The following TADA2A variants were observed in gnomAD, a reference collection of about 807,000 sequenced individuals.
TADA2A encodes the protein transcriptional adapter 2-alpha.
A neutral mutation model predicts 67.4 loss-of-function variants in TADA2A; 38 were observed. The ratio of observed to expected loss-of-function variants is 0.56; its 90% CI spans 0.44 to 0.74. The LOEUF (loss-of-function observed/expected upper bound fraction) is 0.74, where lower values mean the gene tolerates loss of function less well. Ranked by LOEUF, TADA2A falls within the 30% of genes least tolerant of loss-of-function variation. The pLI, the probability that TADA2A is intolerant of heterozygous loss-of-function variation, is 0.00. For missense variants in TADA2A, 454 were observed against 547.0 expected, an observed-to-expected ratio of 0.83 and a Z score of 1.70; for synonymous variants, 192 against 181.6, an observed-to-expected ratio of 1.06 and a Z score of -0.46.
chr17:37,469,424 C>T (rs2053737541), intron 12 of TADA2A, among the ~76,000 whole-genome samples: 1 of 151,678 alleles, frequency 6.6e-6, no homozygotes, highest in African/African-American at 2.4e-5. Context: ...ACTTGAGGTC[C>T]AGAGTTCAAG....
At chr17:37,474,417 G>A in intron 14 of TADA2A, 139 bp from the exon 15 acceptor site, 1 of 696,050 alleles carries the variant, frequency 1.4e-6, no homozygotes, top group Admixed American at 2.9e-5. Context: ...CAGGCCTGAG[G>A]GAATGGGACA....
chr17:37,467,564 G>A (rs746919605), intron 12 of TADA2A, 39 bp downstream of exon 12: 21 of 1,505,724 alleles, frequency 1.4e-5, no homozygotes, highest in Non-Finnish European at 1.9e-5. Flanking sequence ...TTGAGGGCAA[G>A]TATCTTCCAG....
intron 2 of TADA2A, among the ~76,000 whole-genome samples, chr17:37,412,478 A>G (rs1014078974): frequency 2.0e-5 from 3 of 151,968 alleles, no homozygotes; most frequent in Admixed American, 6.6e-5. Flanking sequence ...TCAAGTAGCC[A>G]TAACTATGGA....
intron 4 of TADA2A, among the ~76,000 whole-genome samples, chr17:37,432,570 A>G (rs541844308): frequency 1.3e-5 from 2 of 152,234 alleles, no homozygotes; most frequent in Non-Finnish European, 2.9e-5. Flanking sequence ...TTGTACGAAC[A>G]TAATACAGTT....
Position 37,465,536 on chromosome 17 carries a change from A to C in TADA2A, c.818A>C (p.His273Pro). 1 of 1,614,148 alleles carries C rather than the reference A, an allele frequency of 6.2e-7. No individual in the cohort carries two copies. The highest frequency in any genetic ancestry group is 1.1e-5 in the South Asian group (1 of 91,080). Residue 273 changes from histidine to proline, a missense_variant, in exon 11 of 16, where the codon CAT becomes CCT. His to Pro is a moderately conservative substitution (Grantham distance 77). Coordinates refer to ENST00000615182, the MANE Select transcript of TADA2A (RefSeq NM_001166105.3). ...GAACATGACAAATTCATTGAAAGCC[A>C]TGCATGTAGGTGGTTTTTGAGCCTT... The part of the protein sequence containing the change: ...PVEHDKFIES[H>P]ALEFELRREI...
intron 4 of TADA2A, chr17:37,436,372 A>AT (rs1308011312): frequency 2.0e-5 from 3 of 151,798 alleles, no homozygotes; most frequent in Non-Finnish European, 2.9e-5. Flanking sequence ...TTTTATTTTT[A>AT]TTTTTTGAGA....
chr17:37,436,860 A>G (rs551950309), intron 4 of TADA2A, among the ~76,000 whole-genome samples: 1 of 151,500 alleles, frequency 6.6e-6, no homozygotes, highest in African/African-American at 2.4e-5. Context: ...TCTTAGCTAA[A>G]TGGGAGCGTA....
At chr17:37,465,746 C>T (rs1285238396) in intron 11 of TADA2A, 1 of 734,920 alleles carries the variant, frequency 1.4e-6, no homozygotes, top group African/African-American at 1.8e-5. Context: ...CCCCATTGCC[C>T]CAGATAAACA....
rs557188840 is a variant in TADA2A, at chr17:37,476,075, C to T, written c.1147-722C>T. On this transcript the variant is annotated intron_variant, in intron 15 of 15. Coordinates refer to ENST00000615182, the MANE Select transcript of TADA2A (RefSeq NM_001166105.3). ...TTAGTCTTATTTTATCCACCAGGAACAGTAAGGATTAGTTTGGGAGTGGAA... is the reference window on the plus strand; with the variant it reads ...TTAGTCTTATTTTATCCACCAGGAATAGTAAGGATTAGTTTGGGAGTGGAA... Among the ~76,000 whole-genome samples, 5 of 152,198 alleles carry T rather than the reference C, an allele frequency of 3.3e-5. No homozygotes were observed. In the South Asian group the frequency reaches 8.3e-4, roughly 25 times the overall value.
chr17:37,472,568 G>A (rs2053812341), intron 14 of TADA2A, among the ~76,000 whole-genome samples: 1 of 151,980 alleles, frequency 6.6e-6, no homozygotes, highest in Admixed American at 6.6e-5. Context: ...TTAAAATGAA[G>A]GAACTGGGTC....
chr17:37,473,082 C>A (rs1412659113), intron 14 of TADA2A, among the ~76,000 whole-genome samples: 1 of 151,202 alleles, frequency 6.6e-6, no homozygotes, highest in Non-Finnish European at 1.5e-5. Context: ...CAGTTCAGCT[C>A]CTGAGTGGCT....
intron 8 of TADA2A, among the ~76,000 whole-genome samples, chr17:37,453,174 T>TAG (rs1398424341): frequency 3.3e-5 from 5 of 151,744 alleles, no homozygotes; most frequent in African/African-American, 4.8e-5. Flanking sequence ...TGAGAACATG[T>TAG]AGAGAGAGAG....
rs2053559304 is a variant in TADA2A, at chr17:37,462,108, TAGAA to T, written c.702_705del (p.Arg234SerfsTer4). The T allele has an allele frequency of 6.4e-7, 1 of 1,569,600 alleles. No individual in the cohort carries two copies. The highest frequency in any genetic ancestry group is 1.4e-5 in the African/African-American group (1 of 73,414). On this transcript the variant is annotated frameshift_variant, in exon 10 of 16. Transcript: ENST00000615182. LOFTEE classifies it high-confidence loss of function. Reference sequence around the variant, plus strand: ...TAAGAGACCATGGATTAATCAACCTTAGAAAGTTTCAATGTAAGTATTAGCAGTT... The same window carrying T: ...TAAGAGACCATGGATTAATCAACCTTAGTTTCAATGTAAGTATTAGCAGTT...
At chr17:37,421,517 G>A (rs1473647694) in intron 2 of TADA2A, among the ~76,000 whole-genome samples, 2 of 147,436 alleles carry the variant, frequency 1.4e-5, no homozygotes, top group African/African-American at 4.9e-5. Context: ...GCTCATACCT[G>A]TAATCCCAAC....
chr17:37,449,828 C>T lies in TADA2A; in HGVS notation c.604+5060C>T, dbSNP rs1030438516. On this transcript the variant is annotated intron_variant, in intron 8 of 15. Transcript: ENST00000615182. Reference sequence around the variant, plus strand: ...GTAGAGACAGGGTCTCACTATGTTGCTCAGGCTCAACCTTGAATGTTTGTT... The same window carrying T: ...GTAGAGACAGGGTCTCACTATGTTGTTCAGGCTCAACCTTGAATGTTTGTT... 5.9e-5 allele frequency among the ~76,000 whole-genome samples: 9 copies of T among 152,192 alleles called. No individual in the cohort carries two copies. The East Asian group carries it at 7.7e-4, about 13-fold the overall frequency.
intron 14 of TADA2A, among the ~76,000 whole-genome samples, chr17:37,472,733 A>T (rs2053815704): frequency 6.6e-6 from 1 of 152,034 alleles, no homozygotes; most frequent in Non-Finnish European, 1.5e-5. Context: ...GTGGTGGTAC[A>T]CATCTGTAAT....
chr17:37,430,226 G>A (rs755233044), intron 4 of TADA2A, among the ~76,000 whole-genome samples: 5 of 152,224 alleles, frequency 3.3e-5, no homozygotes, highest in South Asian at 2.1e-4. Context: ...CTTTTCTCAC[G>A]TATTCAACAC....
chr17:37,463,623 A>G (rs2053597025), intron 10 of TADA2A, among the ~76,000 whole-genome samples: 1 of 151,856 alleles, frequency 6.6e-6, no homozygotes, highest in African/African-American at 2.4e-5. Flanking sequence ...AGCCATCATC[A>G]TAAGTATGTT....
intron 4 of TADA2A, among the ~76,000 whole-genome samples, chr17:37,432,176 T>A (rs1461442488): frequency 3.4e-5 from 3 of 88,182 alleles, no homozygotes; most frequent in African/African-American, 1.1e-4. Flanking sequence ...ATTTATTTAT[T>A]TTTTTTTTGT....
Sources: gnomAD v4.1 joint callset for allele counts (sites outside exome capture counted in the v4.1 genomes callset) on GRCh38, gnomAD v4.1.1 for gene constraint, MANE v1.5 for transcripts, NCBI Gene and HGNC (gene_info 2026-07-23, HGNC 2026-07-21) for gene names.